Variants in DRC1 observed in about 807,000 individuals in gnomAD.
DRC1 encodes the protein dynein regulatory complex subunit 1, also known as dynein regulatory complex protein 1.
DRC1 carries 74 observed loss-of-function variants against 98.7 expected under a neutral mutation model. That is an observed-to-expected ratio of 0.75 (90% CI 0.62 to 0.91). The LOEUF is 0.91. DRC1 is among the 40% of genes least tolerant of loss of function. The probability of loss-of-function intolerance (pLI) is 0.00; values close to 1 mark genes in which losing one functional copy is unlikely to be tolerated. For missense variants in DRC1, 875 were observed against 886.0 expected (o/e 0.99, Z 0.16); for synonymous variants, 336 against 334.1 (o/e 1.01, Z -0.06).
At chr2:26,416,662 AC>A (rs1407667077) in intron 2 of DRC1, among the ~76,000 whole-genome samples, 1 of 152,152 alleles carries the variant, frequency 6.6e-6, no homozygotes, top group Non-Finnish European at 1.5e-5. Context: ...AGCACCGTTT[AC>A]TGAAAAGATC....
At chr2:26,417,756 A>G (rs1678858199) in intron 2 of DRC1, among the ~76,000 whole-genome samples, 1 of 152,188 alleles carries the variant, frequency 6.6e-6, no homozygotes, top group African/African-American at 2.4e-5. Flanking sequence ...AATTTGGCTC[A>G]GCAATGTTTT....
In DRC1 at chr2:26,439,938, C is replaced by CACAT. The variant is rs1291850743; in HGVS notation, c.889-437_889-436insTACA. ...TAGTGTGTGAATATATATATATATA[C>CACAT]ACACACACATACACACACACACACA... is the stretch of plus-strand genomic sequence containing the variant. On this transcript the variant is annotated intron_variant, in intron 7 of 16. Transcript: ENST00000288710. Among the ~76,000 whole-genome samples the CACAT allele has an allele frequency of 2.7e-4, 6 of 22,034 alleles. 1 individual carries two copies. Among genetic ancestry groups the CACAT allele is most frequent in the African/African-American group, 7.1e-4 (6 of 8,504 alleles). 14.5% of individuals were successfully genotyped at this position (22,034 alleles called of 152,430 possible).
intron 1 of DRC1, 50 bp downstream of exon 1, chr2:26,402,194 A>T (rs773139814): frequency 2.6e-6 from 4 of 1,509,898 alleles, no homozygotes; most frequent in Non-Finnish European, 3.5e-6. Context: ...GAGCCGGAGA[A>T]GGGCTGGTTT....
chr2:26,451,555 T>C (rs976973594), intron 13 of DRC1, among the ~76,000 whole-genome samples: 3 of 152,298 alleles, frequency 2.0e-5, no homozygotes, highest in South Asian at 2.1e-4. Context: ...CTCATGCCTA[T>C]AGTTCCAGCT....
At chr2:26,421,749 G>A (rs1264994186) in intron 3 of DRC1, among the ~76,000 whole-genome samples, 1 of 151,866 alleles carries the variant, frequency 6.6e-6, no homozygotes, top group African/African-American at 2.4e-5. Flanking sequence ...TAGTAGAGAC[G>A]GGGTTTCACC....
At chr2:26,428,932 A>T (rs1663356973) in intron 4 of DRC1, among the ~76,000 whole-genome samples, 1 of 152,164 alleles carries the variant, frequency 6.6e-6, no homozygotes, top group African/African-American at 2.4e-5. Flanking sequence ...TTTAGTCCTT[A>T]GTTAAGGAAT....
chr2:26,413,527 C>A (rs1457327958), intron 1 of DRC1, among the ~76,000 whole-genome samples: 1 of 152,174 alleles, frequency 6.6e-6, no homozygotes, highest in African/African-American at 2.4e-5. Flanking sequence ...TTTTTAGTCT[C>A]ATAATAGAGT....
intron 7 of DRC1, among the ~76,000 whole-genome samples, chr2:26,434,073 A>C (rs1362805679): frequency 2.0e-5 from 3 of 152,238 alleles, no homozygotes; most frequent in Admixed American, 6.5e-5. Context: ...AGAAGATATA[A>C]CATGCAGCTC....
chr2:26,423,343 G>A (rs1168958349), intron 3 of DRC1, among the ~76,000 whole-genome samples: 1 of 145,756 alleles, frequency 6.9e-6, no homozygotes, highest in African/African-American at 2.5e-5. Flanking sequence ...GTGGGTGGGG[G>A]ATGGGACAGG....
intron 2 of DRC1, 139 bp from the exon 3 acceptor site, chr2:26,421,149 C>G: frequency 1.6e-6 from 1 of 620,196 alleles, no homozygotes; most frequent in South Asian, 2.0e-5. Context: ...ACAGAGGCTA[C>G]TCTTAAAAAT....
chr2:26,448,377 C>T, intron 10 of DRC1: 2 of 550,156 alleles, frequency 3.6e-6, no homozygotes, highest in South Asian at 3.1e-5. Context: ...TCACACTCTC[C>T]CTCCCACTTC....
At chr2:26,417,551 A>G (rs1558437369) in intron 2 of DRC1, among the ~76,000 whole-genome samples, 3 of 151,592 alleles carry the variant, frequency 2.0e-5, no homozygotes, top group Admixed American at 1.3e-4. Flanking sequence ...CTGGTCTCCA[A>G]CTCTTGGCCT....
chr2:26,455,077 C>T (rs1664107825), intron 15 of DRC1, 54 bp from the exon 16 acceptor site: 2 of 1,594,396 alleles, frequency 1.3e-6, no homozygotes, highest in South Asian at 2.2e-5. Flanking sequence ...CTGGCCCCTA[C>T]TTGGCAGAGG....
chr2:26,424,346 C>G lies in DRC1; in HGVS notation c.432C>G (p.Gly144=), dbSNP rs1291423613. The change falls in exon 4 of 17, where the codon GGC becomes GGG. Residue 144 remains glycine, a synonymous_variant. Transcript: ENST00000288710. ...FDEITSKWEE[G]KQKRIPQELW... ...AAATCACCTCAAAGTGGGAAGAGGG[C>G]AAGCAGAAGAGAATTCCCCAAGAGC... 17 of 1,613,778 alleles carry G rather than the reference C, an allele frequency of 1.1e-5. No homozygotes were observed. Among genetic ancestry groups the G allele is most frequent in the Non-Finnish European group, 1.4e-5 (17 of 1,179,968 alleles).
At chr2:26,447,477 G>C (rs997176533) in intron 10 of DRC1, among the ~76,000 whole-genome samples, 3 of 152,174 alleles carry the variant, frequency 2.0e-5, no homozygotes, top group East Asian at 1.9e-4. Flanking sequence ...TATATCACCA[G>C]CTTGATACAC....
intron 7 of DRC1, among the ~76,000 whole-genome samples, chr2:26,433,947 T>G (rs1264730884): frequency 1.3e-5 from 2 of 152,130 alleles, no homozygotes; most frequent in Non-Finnish European, 2.9e-5. Context: ...AATCATCCAA[T>G]CAGGGACTAC....
At chr2:26,448,839 C>T (rs766120707) in intron 11 of DRC1, 36 bp downstream of exon 11, 28 of 1,602,592 alleles carry the variant, frequency 1.7e-5, no homozygotes, top group East Asian at 4.5e-5. Context: ...GAGGGACTCA[C>T]GGGGGTGTGC....
intron 16 of DRC1, among the ~76,000 whole-genome samples, chr2:26,455,571 A>G (rs1287778590): frequency 6.6e-6 from 1 of 152,212 alleles, no homozygotes; most frequent in East Asian, 1.9e-4. Context: ...CTCTTCTTCC[A>G]TCCTCACACC....
intron 9 of DRC1, 107 bp from the exon 10 acceptor site, chr2:26,444,609 C>T (rs1294776339): frequency 4.3e-6 from 5 of 1,174,796 alleles, no homozygotes; most frequent in Non-Finnish European, 5.9e-6. Context: ...GGGCCAGGCC[C>T]AGGAATTAGC....
Sources: gnomAD v4.1 joint callset for allele counts (sites outside exome capture counted in the v4.1 genomes callset) on GRCh38, gnomAD v4.1.1 for gene constraint, MANE v1.5 for transcripts, NCBI Gene and HGNC (gene_info 2026-07-23, HGNC 2026-07-21) for gene names.